The following LITAF variants were observed in gnomAD, a reference collection of about 807,000 sequenced individuals.
LITAF encodes lipopolysaccharide induced TNF factor.
Under a neutral mutation model 14.5 loss-of-function variants are expected in LITAF, and 9 were observed. The observed-to-expected ratio is 0.62, with a 90% CI of 0.37 to 1.08. LITAF has a LOEUF of 1.08. Among genes scored for constraint, LITAF ranks in the 50% least tolerant of loss-of-function variants. LITAF has a pLI of 0.01. For missense variants in LITAF, 206 were observed against 213.4 expected (o/e 0.97, Z 0.22); for synonymous variants, 98 against 88.2 (o/e 1.11, Z -0.62).
At chr16:11,590,590 C>T (rs1266843179), upstream of LITAF, among the ~76,000 whole-genome samples, 1 of 118,036 alleles carries the variant, frequency 8.5e-6, no homozygotes, top group Non-Finnish European at 1.7e-5. Context: ...CTGCAAAATA[C>T]TTTTACAGCA....
intron 1 of LITAF, among the ~76,000 whole-genome samples, chr16:11,572,801 T>G (rs546925876): frequency 3.9e-5 from 6 of 152,040 alleles, no homozygotes; most frequent in Admixed American, 1.3e-4. Flanking sequence ...AAGCCTGGAG[T>G]TTGGTAAACA....
intron 3 of LITAF, among the ~76,000 whole-genome samples, chr16:11,628,409 C>T (rs1233221274): frequency 2.0e-5 from 3 of 152,236 alleles, no homozygotes; most frequent in Non-Finnish European, 2.9e-5. Context: ...AGTAGATGCT[C>T]TCAGAGCACA....
chr16:11,556,933 C>T (rs990231948), intron 1 of LITAF, among the ~76,000 whole-genome samples, 198 bp from the exon 2 acceptor site: 1 of 152,140 alleles, frequency 6.6e-6, no homozygotes, highest in African/African-American at 2.4e-5. Flanking sequence ...TAATTACTAC[C>T]CAAAATCACC....
At chr16:11,555,528 G>C (rs1007999960) in intron 2 of LITAF, among the ~76,000 whole-genome samples, 4 of 151,950 alleles carry the variant, frequency 2.6e-5, no homozygotes, top group African/African-American at 7.3e-5. Flanking sequence ...GTGTGGTGCT[G>C]TATGCCTGTA....
upstream of LITAF, among the ~76,000 whole-genome samples, chr16:11,589,138 G>C (rs1205428719): frequency 1.3e-5 from 2 of 152,144 alleles, no homozygotes; most frequent in Non-Finnish European, 2.9e-5. Flanking sequence ...AAACCACAGA[G>C]ATTGAATTTC....
At chr16:11,602,322 C>T (rs1007168301), upstream of LITAF, among the ~76,000 whole-genome samples, 6 of 152,142 alleles carry the variant, frequency 3.9e-5, no homozygotes, top group African/African-American at 1.4e-4. Context: ...CACCACTGCA[C>T]TCCAGCCTGG....
intron 1 of LITAF, among the ~76,000 whole-genome samples, chr16:11,593,876 G>C (rs1401814702): frequency 6.6e-6 from 1 of 152,114 alleles, no homozygotes; most frequent in African/African-American, 2.4e-5. Context: ...TTTCTTTTTA[G>C]GGTGATAACA....
rs2064951011 is a variant in LITAF at position 11,605,549 on chromosome 16, G to C, written c.85+27984C>G. ...CCGCAAGGAAGGAAGGGAAGAAAAG[G>C]AGAAAGAAGGGAGGGAAAAAGAGAA... is the stretch of plus-strand genomic sequence containing the variant. On this transcript the variant is annotated intron_variant, in intron 3 of 3. Coordinates refer to the LITAF transcript ENST00000574848. The surrounding 1 kb of genome is among the most constrained non-coding windows in gnomAD (Gnocchi z 4.7). 6.6e-6 allele frequency among the ~76,000 whole-genome samples: 1 copy of C among 152,158 alleles called. No individual in the cohort carries two copies. Among genetic ancestry groups the C allele is most frequent in the African/African-American group, 2.4e-5 (1 of 41,436 alleles).
chr16:11,592,308 G>C (rs11647635), intron 1 of LITAF, among the ~76,000 whole-genome samples: 3,279 of 152,286 alleles, frequency 0.022, 43 homozygotes, highest in Non-Finnish European at 0.032. Context: ...GGGTGCGGTG[G>C]CTCACGCCTA....
chr16:11,605,270 C>T lies in LITAF; in HGVS notation c.85+28263G>A, dbSNP rs1217054596. Among the ~76,000 whole-genome samples, 1 of 152,196 alleles carries T rather than the reference C, an allele frequency of 6.6e-6. No individual in the cohort carries two copies. Among genetic ancestry groups the T allele is most frequent in the African/African-American group, 2.4e-5 (1 of 41,450 alleles). On this transcript the variant is annotated intron_variant, in intron 3 of 3. Coordinates refer to the LITAF transcript ENST00000574848. This position sits in a 1 kb window ranked among gnomAD's most constrained non-coding sequence, Gnocchi z 4.7. ...GTGGGGCTGTGACAAGTGCCTGTGT[C>T]CCCGTGGGGAATGTGGCCCCTAGTA... is the stretch of plus-strand genomic sequence containing the variant.
chr16:11,575,266 G>T (rs984866423), intron 1 of LITAF: 10 of 152,250 alleles, frequency 6.6e-5, no homozygotes, highest in Admixed American at 5.9e-4. Flanking sequence ...ATGTGGGAGA[G>T]ATATGAAGGG....
intron 1 of LITAF, among the ~76,000 whole-genome samples, chr16:11,597,960 G>A (rs2064901310): frequency 6.6e-6 from 1 of 152,170 alleles, no homozygotes; most frequent in Non-Finnish European, 1.5e-5. Context: ...AGGCTGGAGT[G>A]CAGTGGCGCT....
rs1253850905 is a variant in LITAF at position 11,549,055 on chromosome 16, A to T, written c.*582T>A. 5 of 353,172 alleles carry T rather than the reference A, an allele frequency of 1.4e-5. No homozygotes were observed. Among genetic ancestry groups the T allele is most frequent in the Admixed American group, 6.1e-5 (2 of 32,668 alleles). The allele number at this position is 353,172 out of a possible 1,614,324, so 21.9% of individuals were successfully genotyped here. On this transcript the variant is annotated 3_prime_UTR_variant, in exon 4 of 4. Transcript: ENST00000622633. This position sits in a 1 kb window ranked among gnomAD's most constrained non-coding sequence, Gnocchi z 4.6. ...TGTTAATAGCCCCCTCCTTGTATTTAAAAAAAAAATTAAGAAATTAAAGTG... is the reference window on the plus strand; with the variant it reads ...TGTTAATAGCCCCCTCCTTGTATTTTAAAAAAAAATTAAGAAATTAAAGTG...
Position 11,548,467 on chromosome 16 carries a change from T to C in LITAF, c.*1170A>G, listed in dbSNP as rs886051648. The C allele has an allele frequency of 8.8e-6, 4 of 453,872 alleles. No homozygotes were observed. Among genetic ancestry groups the C allele is most frequent in the Non-Finnish European group, 1.8e-5 (4 of 226,778 alleles). 28.1% of individuals were successfully genotyped at this position (453,872 alleles called of 1,614,324 possible). ...TGCTCAAAATGTGCTTTCCCTTATC[T>C]TTCAAAACCCACCACCAGGAAACCA... is the stretch of plus-strand genomic sequence containing the variant. On this transcript the variant is annotated 3_prime_UTR_variant, in exon 4 of 4. Coordinates refer to ENST00000622633, the MANE Select transcript of LITAF (RefSeq NM_001136472.2).
intron 1 of LITAF, among the ~76,000 whole-genome samples, chr16:11,562,986 G>C (rs1311818555): frequency 6.6e-6 from 1 of 151,688 alleles, no homozygotes; most frequent in African/African-American, 2.4e-5. Context: ...ATATTAGCCA[G>C]ACACGGTTGC....
chr16:11,618,660 G>T (rs2065031462), intron 3 of LITAF, among the ~76,000 whole-genome samples: 1 of 152,168 alleles, frequency 6.6e-6, no homozygotes. Context: ...TGGGGGTGGG[G>T]AGGGGGCGCT....
rs950397898 is a variant in LITAF at position 11,634,494 on chromosome 16, G to T, written c.-20-857C>A. 1.3e-5 allele frequency among the ~76,000 whole-genome samples: 2 copies of T among 152,152 alleles called. No individual in the cohort carries two copies. The highest frequency in any genetic ancestry group is 2.9e-5 in the Non-Finnish European group (2 of 68,038). On this transcript the variant is annotated intron_variant, in intron 2 of 3. Coordinates refer to the LITAF transcript ENST00000574848. This position sits in a 1 kb window ranked among gnomAD's most constrained non-coding sequence, Gnocchi z 4.1. The stretch of plus-strand genomic sequence containing the variant: ...CATTATTCCAGAGGCCACAAGATTT[G>T]CAACTTCCCCTATTGCCCCTGCAGA...
chr16:11,588,324 A>C (rs979743788), upstream of LITAF, among the ~76,000 whole-genome samples: 1 of 152,068 alleles, frequency 6.6e-6, no homozygotes, highest in African/African-American at 2.4e-5. Flanking sequence ...GTGAGACTCC[A>C]TCTCTATAAA....
intron 1 of LITAF, among the ~76,000 whole-genome samples, chr16:11,583,133 A>G (rs2064763905): frequency 6.6e-6 from 1 of 152,226 alleles, no homozygotes; most frequent in Non-Finnish European, 1.5e-5. Flanking sequence ...AGTAGACCTC[A>G]GTAAAAGTAC....
Sources: allele counts gnomAD v4.1 joint callset (sites outside exome capture counted in the v4.1 genomes callset), GRCh38; gene constraint gnomAD v4.1.1; non-coding constraint Gnocchi (gnomAD v3.1); transcripts MANE v1.5; gene names NCBI Gene and HGNC (gene_info 2026-07-23, HGNC 2026-07-21).